The following ZNF708 variants were observed in gnomAD, a reference collection of about 807,000 sequenced individuals.
ZNF708 encodes ZNF15, ZNF15L1.
ZNF708 carries 44 observed loss-of-function variants against 47.0 expected under a neutral mutation model. The observed-to-expected ratio is 0.94, with a 90% CI of 0.74 to 1.20. The LOEUF is 1.20. Ranked by LOEUF, ZNF708 falls within the 50% of genes most tolerant of loss-of-function variation. The pLI, the probability that ZNF708 is intolerant of heterozygous loss-of-function variation, is 0.00. For synonymous variants in ZNF708, 184 were observed against 218.5 expected, an observed-to-expected ratio of 0.84 and a Z score of 1.39; for missense variants, 557 against 656.0, an observed-to-expected ratio of 0.85 and a Z score of 1.65.
chr19:21,313,002 T>A (rs627522), intron 1 of ZNF708, among the ~76,000 whole-genome samples: 1 of 151,766 alleles, frequency 6.6e-6, no homozygotes, highest in East Asian at 1.9e-4. Context: ...CTCAAGGGTA[T>A]GCTACAGGCT....
chr19:21,300,080 C>T (rs199844684), intron 3 of ZNF708, among the ~76,000 whole-genome samples: 363 of 151,820 alleles, frequency 2.4e-3, no homozygotes, highest in East Asian at 9.7e-3. Flanking sequence ...GGGAGGAAGG[C>T]GGATCACGAG....
At chr19:21,329,154 C>A in intron 1 of ZNF708, 56 bp downstream of exon 1, 1 of 1,609,280 alleles carries the variant, frequency 6.2e-7, no homozygotes, top group Non-Finnish European at 8.5e-7. Flanking sequence ...ACAGCCACTT[C>A]CCACAGGTTT....
intron 1 of ZNF708, among the ~76,000 whole-genome samples, chr19:21,325,597 G>A (rs1246059902): frequency 6.6e-6 from 1 of 152,004 alleles, no homozygotes; most frequent in Admixed American, 6.6e-5. Flanking sequence ...ACCTAAGATC[G>A]GAAACTATAA....
At chr19:21,310,723 T>C in intron 1 of ZNF708, 96 bp from the exon 2 acceptor site, 1 of 1,064,234 alleles carries the variant, frequency 9.4e-7, no homozygotes. Flanking sequence ...AGAGAACTGG[T>C]TCTGACTTAT....
intron 1 of ZNF708, among the ~76,000 whole-genome samples, chr19:21,322,830 T>G (rs1599691501): frequency 1.3e-5 from 2 of 152,218 alleles, no homozygotes; most frequent in East Asian, 3.8e-4. Flanking sequence ...TAACATTTTA[T>G]TTCTGACACC....
intron 1 of ZNF708, among the ~76,000 whole-genome samples, chr19:21,320,275 A>G (rs1440023110): frequency 6.6e-6 from 1 of 152,206 alleles, no homozygotes; most frequent in Non-Finnish European, 1.5e-5. Context: ...CCAAAGAAAT[A>G]TAAATTAGTC....
chr19:21,316,975 C>T (rs1016287338), intron 1 of ZNF708, among the ~76,000 whole-genome samples: 8 of 151,334 alleles, frequency 5.3e-5, no homozygotes, highest in Middle Eastern at 3.4e-3. Context: ...TTAGTAGAGA[C>T]GGGGTTTCTC....
chr19:21,317,304 A>T (rs1973036199), intron 1 of ZNF708, among the ~76,000 whole-genome samples: 1 of 152,090 alleles, frequency 6.6e-6, no homozygotes, highest in South Asian at 2.1e-4. Flanking sequence ...AGTCACTGAA[A>T]GAGGTAAAAT....
Position 21,294,253 on chromosome 19 carries a change from G to C in ZNF708, c.713C>G (p.Thr238Ser), listed in dbSNP as rs756375143. 4 of 1,603,442 alleles carry C rather than the reference G, an allele frequency of 2.5e-6. No individual in the cohort carries two copies. Among genetic ancestry groups the C allele is most frequent in the Non-Finnish European group, 2.5e-6 (3 of 1,177,270 alleles). The change falls in exon 4 of 4, where the codon ACT (threonine) becomes AGT (serine). Residue 238 changes from threonine (T) to serine (S), a missense_variant. Coordinates refer to ENST00000356929, the MANE Select transcript of ZNF708 (RefSeq NM_021269.3). ...ECGKAFNQSS[T>S]LTRHKIIHTG... ...ATGAATTATCTTATGTCTAGTAAGA[G>C]TTGAGGACTGGTTAAAAGCTTTTCC...
intron 1 of ZNF708, among the ~76,000 whole-genome samples, chr19:21,322,304 C>CTT (rs141217085): frequency 4.1e-5 from 6 of 148,120 alleles, no homozygotes; most frequent in Non-Finnish European, 3.0e-5. Flanking sequence ...TCTTTCTTTC[C>CTT]TTTTTTTTTT....
intron 1 of ZNF708, among the ~76,000 whole-genome samples, chr19:21,326,752 G>A (rs1193712715): frequency 1.3e-5 from 2 of 152,032 alleles, no homozygotes; most frequent in African/African-American, 4.8e-5. Flanking sequence ...CCAACATGGA[G>A]AAACCCCGTT....
At chr19:21,326,507 A>T (rs760508633) in intron 1 of ZNF708, among the ~76,000 whole-genome samples, 2 of 152,236 alleles carry the variant, frequency 1.3e-5, no homozygotes, top group African/African-American at 4.8e-5. Context: ...GCTAAGCTAT[A>T]AGGATGCAAA....
At chr19:21,315,904 T>C (rs145756862) in intron 1 of ZNF708, among the ~76,000 whole-genome samples, 2 of 151,760 alleles carry the variant, frequency 1.3e-5, no homozygotes, top group African/African-American at 4.8e-5. Context: ...CTCTGAGACT[T>C]ATAAAGAAAA....
intron 1 of ZNF708, among the ~76,000 whole-genome samples, chr19:21,312,193 G>A (rs1212295970): frequency 6.6e-6 from 1 of 152,068 alleles, no homozygotes; most frequent in African/African-American, 2.4e-5. Context: ...TACTCGAGAG[G>A]GTGAGGCAGG....
chr19:21,319,564 T>C (rs2928199), intron 1 of ZNF708, among the ~76,000 whole-genome samples: 12 of 151,978 alleles, frequency 7.9e-5, no homozygotes, highest in African/African-American at 2.7e-4. Flanking sequence ...AGGGATTCTG[T>C]ATCAACCTCC....
chr19:21,321,585 A>C (rs1973137046), intron 1 of ZNF708, among the ~76,000 whole-genome samples: 1 of 145,100 alleles, frequency 6.9e-6, no homozygotes, highest in Non-Finnish European at 1.5e-5. Flanking sequence ...TGAAAGAAAA[A>C]AAGGGAAGAG....
At chr19:21,315,815 A>G (rs1972989851) in intron 1 of ZNF708, among the ~76,000 whole-genome samples, 1 of 152,160 alleles carries the variant, frequency 6.6e-6, no homozygotes, top group Non-Finnish European at 1.5e-5. Context: ...TACTTGTGGC[A>G]ATAGCAAGCA....
At position 21,291,371 on chromosome 19, in the gene ZNF708, G is replaced by A. The variant is rs488125; in HGVS notation, c.*1903C>T. The stretch of plus-strand genomic sequence containing the variant: ...TTCATCATGCATGTTACATTTTAAT[G>A]TCCTTACTCTTCCAAAGAAAAGGTC... On this transcript the variant is annotated 3_prime_UTR_variant, in exon 4 of 4. Transcript: ENST00000356929. The A allele has an allele frequency of 0.22, 33,230 of 151,726 alleles. 3,735 individuals carry two copies. Among genetic ancestry groups the A allele is most frequent in the Non-Finnish European group, 0.24 (16,636 of 67,964 alleles). 9.4% of individuals were successfully genotyped at this position (151,726 alleles called of 1,614,324 possible). A position where few individuals can be genotyped will look rare whatever the true frequency, so the allele number is the denominator to read the frequency against.
At chr19:21,321,137 TA>T (rs757257963) in intron 1 of ZNF708, among the ~76,000 whole-genome samples, 7 of 147,170 alleles carry the variant, frequency 4.8e-5, no homozygotes, top group Non-Finnish European at 9.1e-5. Context: ...AGACTCATCT[TA>T]AAAAAAAGAA....
Sources: gnomAD v4.1 joint callset for allele counts (sites outside exome capture counted in the v4.1 genomes callset) on GRCh38, gnomAD v4.1.1 for gene constraint, MANE v1.5 for transcripts, NCBI Gene and HGNC (gene_info 2026-07-23, HGNC 2026-07-21) for gene names.